Variants in PACRG observed in about 807,000 individuals in gnomAD.
The protein encoded by PACRG is parkin coregulated, also known as parkin coregulated gene protein.
Under a neutral mutation model 29.7 loss-of-function variants are expected in PACRG, and 29 were observed. The observed-to-expected ratio is 0.98, with a 90% CI of 0.73 to 1.33. The LOEUF (loss-of-function observed/expected upper bound fraction) is 1.33, where lower values mean the gene tolerates loss of function less well. PACRG is among the 40% of genes most tolerant of loss of function. PACRG has a pLI of 0.00. For missense variants in PACRG, 279 were observed against 316.2 expected, an observed-to-expected ratio of 0.88 and a Z score of 0.89; for synonymous variants, 116 against 118.7, an observed-to-expected ratio of 0.98 and a Z score of 0.15.
At chr6:163,136,629 T>C (rs1816946924) in intron 4 of PACRG, among the ~76,000 whole-genome samples, 1 of 152,220 alleles carries the variant, frequency 6.6e-6, no homozygotes, top group African/African-American at 2.4e-5. Flanking sequence ...ACTTTGCTGT[T>C]TACTACAGTC....
At chr6:162,914,760 G>A (rs1348040327) in intron 2 of PACRG, among the ~76,000 whole-genome samples, 1 of 151,620 alleles carries the variant, frequency 6.6e-6, no homozygotes, top group East Asian at 1.9e-4. Flanking sequence ...TTAGTGCAGA[G>A]TCATAAATAC....
chr6:163,168,681 A>G (rs1033028856), intron 4 of PACRG, among the ~76,000 whole-genome samples: 17 of 152,218 alleles, frequency 1.1e-4, no homozygotes, highest in Non-Finnish European at 1.6e-4. Context: ...TGGGTTTTCA[A>G]TATAATCAAA....
intron 2 of PACRG, among the ~76,000 whole-genome samples, chr6:162,834,977 A>T (rs1789097050): frequency 1.3e-5 from 2 of 152,138 alleles, no homozygotes; most frequent in Admixed American, 1.3e-4. Context: ...AGAGTAACTT[A>T]AACGAATATG....
At chr6:162,953,838 A>G (rs139207329) in intron 2 of PACRG, among the ~76,000 whole-genome samples, 112 of 152,304 alleles carry the variant, frequency 7.4e-4, no homozygotes, top group African/African-American at 2.4e-3. Flanking sequence ...TAGACTTCAG[A>G]GTGTACATTT....
intron 4 of PACRG, among the ~76,000 whole-genome samples, chr6:163,272,755 T>C (rs926560785): frequency 1.3e-5 from 2 of 152,164 alleles, no homozygotes; most frequent in Admixed American, 6.6e-5. Context: ...TATTGTCCAG[T>C]GCTTTATCAA....
At chr6:163,205,720 T>C (rs2128151757) in intron 4 of PACRG, among the ~76,000 whole-genome samples, 1 of 152,066 alleles carries the variant, frequency 6.6e-6, no homozygotes, top group East Asian at 1.9e-4. Context: ...TGGGACCTAA[T>C]TAAACTAAAG....
chr6:162,743,487 T>C (rs550450939), intron 1 of PACRG, among the ~76,000 whole-genome samples: 1 of 152,254 alleles, frequency 6.6e-6, no homozygotes, highest in Admixed American at 6.5e-5. Flanking sequence ...ACCAATATAT[T>C]CTCATTGCTA....
At chr6:162,870,115 C>T (rs1035380719) in intron 2 of PACRG, among the ~76,000 whole-genome samples, 1 of 152,130 alleles carries the variant, frequency 6.6e-6, no homozygotes, top group Admixed American at 6.5e-5. Flanking sequence ...GGTTTGGTAC[C>T]GTGGAAATCC....
At chr6:162,898,547 G>T (rs544210558) in intron 2 of PACRG, among the ~76,000 whole-genome samples, 2 of 152,322 alleles carry the variant, frequency 1.3e-5, no homozygotes, top group South Asian at 4.1e-4. Context: ...GCTCTGGAGC[G>T]ATATTCCCTG....
rs68075936 is a variant in PACRG at position 162,747,402 on chromosome 6, G to GTA, written c.156+19024_156+19025dup. Among the ~76,000 whole-genome samples the GTA allele has an allele frequency of 1.6e-3, 45 of 27,612 alleles. 5 individuals carry two copies. The South Asian group carries it at 0.027, about 17-fold the overall frequency. The allele number at this position is 27,612 out of a possible 152,430, so 18.1% of individuals were successfully genotyped here. ...TATGTATATATATGTATATATATATGTATATATATATATAACTATAAATAT... is the reference window on the plus strand; with the variant it reads ...TATGTATATATATGTATATATATATGTATATATATATATATAACTATAAATAT... On this transcript the variant is annotated intron_variant, in intron 1 of 4. Transcript: ENST00000366888.
At chr6:163,158,303 G>A (rs543280570) in intron 4 of PACRG, among the ~76,000 whole-genome samples, 1 of 152,294 alleles carries the variant, frequency 6.6e-6, no homozygotes, top group East Asian at 1.9e-4. Context: ...AAGCAATCCC[G>A]GTGATGAGGA....
intron 4 of PACRG, among the ~76,000 whole-genome samples, chr6:163,256,178 T>C (rs1783098731): frequency 6.6e-6 from 1 of 152,366 alleles, no homozygotes; most frequent in Middle Eastern, 3.4e-3. Flanking sequence ...TTTTCTCTAA[T>C]GTGCTATATC....
chr6:162,750,415 T>A (rs1781428432), intron 1 of PACRG, among the ~76,000 whole-genome samples: 1 of 152,246 alleles, frequency 6.6e-6, no homozygotes, highest in African/African-American at 2.4e-5. Context: ...TCTAGGATCA[T>A]AAGTTAGACC....
chr6:162,812,093 GA>G (rs1018580169), intron 1 of PACRG, among the ~76,000 whole-genome samples: 1 of 152,128 alleles, frequency 6.6e-6, no homozygotes. Context: ...AGGTTAAGGG[GA>G]AGAAAGAGTG....
intron 2 of PACRG, among the ~76,000 whole-genome samples, chr6:162,864,485 G>A (rs1369185560): frequency 6.6e-6 from 1 of 152,068 alleles, no homozygotes; most frequent in Non-Finnish European, 1.5e-5. Flanking sequence ...GCAAATAGAA[G>A]TACAATGAGA....
chr6:163,312,089 A>G (rs1210795913), intron 4 of PACRG, among the ~76,000 whole-genome samples: 3 of 152,170 alleles, frequency 2.0e-5, no homozygotes, highest in East Asian at 3.9e-4. Context: ...ATCATCAACT[A>G]TCTTTTCCGT....
At chr6:162,975,702 A>T (rs1020103481) in intron 2 of PACRG, among the ~76,000 whole-genome samples, 1 of 152,062 alleles carries the variant, frequency 6.6e-6, no homozygotes, top group African/African-American at 2.4e-5. Flanking sequence ...TTACCTCAAC[A>T]CTTTAAATTG....
intron 2 of PACRG, among the ~76,000 whole-genome samples, chr6:162,821,495 G>A (rs1193074231): frequency 6.6e-6 from 1 of 152,170 alleles, no homozygotes; most frequent in African/African-American, 2.4e-5. Context: ...AATCACTCCT[G>A]CTTTTTAAGT....
chr6:163,067,918 A>C (rs569263453), intron 3 of PACRG, among the ~76,000 whole-genome samples: 2 of 152,348 alleles, frequency 1.3e-5, no homozygotes, highest in Admixed American at 6.5e-5. Context: ...TGATTTTTAT[A>C]TACTTCCTAA....
Sources: gnomAD v4.1 joint callset for allele counts (sites outside exome capture counted in the v4.1 genomes callset) on GRCh38, gnomAD v4.1.1 for gene constraint, MANE v1.5 for transcripts, NCBI Gene and HGNC (gene_info 2026-07-23, HGNC 2026-07-21) for gene names.